CPQ: variants seen among roughly 807,000 people sequenced by gnomAD.
The protein encoded by CPQ is carboxypeptidase Q, also known as Ser-Met dipeptidase.
A neutral mutation model predicts 45.7 loss-of-function variants in CPQ; 37 were observed. The ratio of observed to expected loss-of-function variants is 0.81; its 90% CI spans 0.62 to 1.07. The LOEUF (loss-of-function observed/expected upper bound fraction) is 1.07. CPQ is among the 50% of genes least tolerant of loss of function. The pLI is 0.00. For missense variants in CPQ, 537 were observed against 572.9 expected (o/e 0.94, Z 0.64); for synonymous variants, 186 against 205.8 (o/e 0.90, Z 0.82).
At chr8:96,839,763 A>G (rs1811582523) in intron 3 of CPQ, among the ~76,000 whole-genome samples, 2 of 152,284 alleles carry the variant, frequency 1.3e-5, no homozygotes, top group East Asian at 1.9e-4. Context: ...TATTTATTTT[A>G]TATTTAGTGC....
intron 2 of CPQ, among the ~76,000 whole-genome samples, chr8:96,828,276 A>G (rs912129513): frequency 3.9e-5 from 6 of 152,030 alleles, no homozygotes. Context: ...TTTAACTGTG[A>G]ATGTGAATTT....
chr8:96,655,256 TC>T (rs1471071268), intron 1 of CPQ, among the ~76,000 whole-genome samples: 1 of 152,172 alleles, frequency 6.6e-6, no homozygotes, highest in African/African-American at 2.4e-5. Flanking sequence ...GTTTTCTTCA[TC>T]TTTTCCATTC....
chr8:96,836,585 A>G (rs554106401), intron 3 of CPQ, among the ~76,000 whole-genome samples: 102 of 152,244 alleles, frequency 6.7e-4, no homozygotes, highest in African/African-American at 2.3e-3. Flanking sequence ...ACTTCCCATA[A>G]TACCTCCATC....
At chr8:97,023,561 G>C (rs1451959766) in intron 5 of CPQ, among the ~76,000 whole-genome samples, 1 of 152,196 alleles carries the variant, frequency 6.6e-6, no homozygotes, top group Non-Finnish European at 1.5e-5. Context: ...TATGCACTTG[G>C]AGTCATAATG....
chr8:96,977,773 T>C (rs1813813929), intron 5 of CPQ, among the ~76,000 whole-genome samples: 1 of 152,152 alleles, frequency 6.6e-6, no homozygotes, highest in Non-Finnish European at 1.5e-5. Context: ...AGCTAAGCTA[T>C]GAGGATGCAA....
At chr8:97,027,787 T>C (rs193158610) in intron 5 of CPQ, among the ~76,000 whole-genome samples, 40 of 152,366 alleles carry the variant, frequency 2.6e-4, no homozygotes, top group African/African-American at 8.2e-4. Context: ...ATCTAGGAAT[T>C]GGCGACATTA....
chr8:97,016,151 C>T (rs1269946650), intron 5 of CPQ, among the ~76,000 whole-genome samples: 1 of 152,022 alleles, frequency 6.6e-6, no homozygotes, highest in African/African-American at 2.4e-5. Flanking sequence ...TCATTTAATT[C>T]AGTTAGCTGA....
intron 6 of CPQ, among the ~76,000 whole-genome samples, chr8:97,063,820 G>T (rs559979754): frequency 2.2e-4 from 33 of 151,962 alleles, no homozygotes; most frequent in African/African-American, 8.0e-4. Context: ...TGTTCCATTG[G>T]TCTTGTGTCT....
chr8:96,722,592 A>G (rs988459345), intron 1 of CPQ, among the ~76,000 whole-genome samples: 1 of 152,194 alleles, frequency 6.6e-6, no homozygotes, highest in Non-Finnish European at 1.5e-5. Context: ...AATTTATTTA[A>G]ATGAAGAAGC....
intron 6 of CPQ, among the ~76,000 whole-genome samples, chr8:97,042,276 G>A (rs1810141971): frequency 6.6e-6 from 1 of 151,592 alleles, no homozygotes. Context: ...TTTGCGTAAA[G>A]GTGTTTGTAG....
intron 6 of CPQ, among the ~76,000 whole-genome samples, chr8:97,033,052 G>T (rs1809935817): frequency 6.6e-6 from 1 of 152,100 alleles, no homozygotes; most frequent in South Asian, 2.1e-4. Flanking sequence ...GTGATCAAGA[G>T]GGGAGAGAAG....
intron 5 of CPQ, among the ~76,000 whole-genome samples, chr8:97,018,253 C>A (rs1382252795): frequency 6.6e-6 from 1 of 152,204 alleles, no homozygotes; most frequent in African/African-American, 2.4e-5. Flanking sequence ...GAGCCTTAGA[C>A]CTTCCCTCTG....
intron 4 of CPQ, among the ~76,000 whole-genome samples, chr8:96,941,444 T>C (rs1813121934): frequency 6.6e-6 from 1 of 152,172 alleles, no homozygotes; most frequent in Admixed American, 6.6e-5. Context: ...CTTCAGACTT[T>C]CAGCTGCCCA....
At chr8:96,820,113 A>C (rs940548694) in intron 2 of CPQ, among the ~76,000 whole-genome samples, 1 of 152,042 alleles carries the variant, frequency 6.6e-6, no homozygotes, top group African/African-American at 2.4e-5. Flanking sequence ...TTTTCCTCAC[A>C]GATTGATGTG....
chr8:96,990,854 C>T (rs1390120712), intron 5 of CPQ, among the ~76,000 whole-genome samples: 2 of 152,166 alleles, frequency 1.3e-5, no homozygotes, highest in Non-Finnish European at 2.9e-5. Flanking sequence ...CCTATAAGGT[C>T]CTAATAAGGG....
chr8:96,875,887 G>A (rs999308249), intron 3 of CPQ, among the ~76,000 whole-genome samples: 5 of 151,778 alleles, frequency 3.3e-5, no homozygotes, highest in Non-Finnish European at 7.4e-5. Context: ...ATCAACTTGA[G>A]GGGCATTGCC....
chr8:97,041,549 C>G (rs993429056), intron 6 of CPQ, among the ~76,000 whole-genome samples: 1 of 152,188 alleles, frequency 6.6e-6, no homozygotes, highest in Non-Finnish European at 1.5e-5. Flanking sequence ...GAGAGGGCAT[C>G]CCTGTCTTGT....
chr8:96,695,041 A>G (rs1045446336), intron 1 of CPQ, among the ~76,000 whole-genome samples: 1 of 151,458 alleles, frequency 6.6e-6, no homozygotes, highest in South Asian at 2.1e-4. Context: ...TTCAAACTAT[A>G]CTACAAGGCT....
rs757766559 is a variant in CPQ, at chr8:96,965,934, G to T, written c.850-1G>T. 8.1e-6 allele frequency: 13 copies of T among 1,603,472 alleles called. No individual in the cohort carries two copies. The highest frequency in any genetic ancestry group is 3.4e-5 in the Admixed American group (2 of 57,994). ...TTTTAACTTTTTATTATTTGTTCTA[G>T]GTTGTACTGGTCAGTGGACATCTGG... On this transcript the variant is annotated splice_acceptor_variant, in intron 4 of 7. Coordinates refer to ENST00000220763, the MANE Select transcript of CPQ (RefSeq NM_016134.4). LOFTEE classifies it high-confidence loss of function.
Sources: allele counts gnomAD v4.1 joint callset (sites outside exome capture counted in the v4.1 genomes callset), GRCh38; gene constraint gnomAD v4.1.1; transcripts MANE v1.5; gene names NCBI Gene and HGNC (gene_info 2026-07-23, HGNC 2026-07-21).